The following TAFA1 variants were observed in gnomAD, a reference collection of about 807,000 sequenced individuals.
The protein encoded by TAFA1 is TAFA chemokine like family member 1.
A neutral mutation model predicts 18.5 loss-of-function variants in TAFA1; 4 were observed. The ratio of observed to expected loss-of-function variants is 0.22; its 90% CI spans 0.11 to 0.49. The LOEUF (loss-of-function observed/expected upper bound fraction) is 0.49. TAFA1 is among the 20% of genes least tolerant of loss of function. The pLI is 0.98. For missense variants in TAFA1, 147 were observed against 169.0 expected (o/e 0.87, Z 0.72); for synonymous variants, 56 against 55.2 (o/e 1.01, Z -0.06).
rs76889267 is a variant in TAFA1, at chr3:68,055,872, C to A, written c.118+49128C>A. On this transcript the variant is annotated intron_variant, in intron 2 of 4. Transcript: ENST00000478136. ...CAGTTCTCTCACATCAGGTCCTAGC[C>A]CCGATTTTCAGCCTGATCTTTTCTC... Among the ~76,000 whole-genome samples the A allele has an allele frequency of 4.4e-3, 664 of 152,138 alleles. 4 individuals carry two copies. Among genetic ancestry groups the A allele is most frequent in the African/African-American group, 0.015 (607 of 41,492 alleles).
At chr3:68,036,985 A>G (rs748698828) in intron 2 of TAFA1, among the ~76,000 whole-genome samples, 36 of 152,194 alleles carry the variant, frequency 2.4e-4, no homozygotes, top group Non-Finnish European at 5.1e-4. Context: ...CTGCTCTCTG[A>G]GACCCATAGT....
chr3:68,107,721 A>G (rs1230524459), intron 2 of TAFA1, among the ~76,000 whole-genome samples: 2 of 152,094 alleles, frequency 1.3e-5, no homozygotes, highest in Non-Finnish European at 2.9e-5. Context: ...TCTCCCTCTC[A>G]ATTAAGTTTC....
chr3:68,303,679 G>C (rs768091255), intron 2 of TAFA1, among the ~76,000 whole-genome samples: 8 of 152,012 alleles, frequency 5.3e-5, no homozygotes, highest in Non-Finnish European at 8.8e-5. Context: ...TTGATCTCCT[G>C]ACCTCGTGAT....
intron 3 of TAFA1, among the ~76,000 whole-genome samples, chr3:68,427,662 C>T (rs1478500760): frequency 1.3e-5 from 2 of 151,850 alleles, no homozygotes; most frequent in Non-Finnish European, 2.9e-5. Flanking sequence ...CCACCCCCCC[C>T]ATACAAGTTC....
At chr3:68,066,866 T>G (rs1465416911) in intron 2 of TAFA1, among the ~76,000 whole-genome samples, 3 of 152,134 alleles carry the variant, frequency 2.0e-5, no homozygotes, top group Non-Finnish European at 4.4e-5. Flanking sequence ...GAGGGAACTC[T>G]GGGGTTTTTA....
intron 2 of TAFA1, among the ~76,000 whole-genome samples, chr3:68,117,646 G>C (rs192698131): frequency 1.2e-4 from 19 of 152,286 alleles, no homozygotes; most frequent in African/African-American, 4.6e-4. Context: ...TCTGGGTTAG[G>C]TGATGTTTAT....
At chr3:67,994,297 T>C in the TAFA1 span, among the ~76,000 whole-genome samples, 4 of 152,226 alleles carry the variant, frequency 2.6e-5, no homozygotes, top group Admixed American at 2.6e-4. Context: ...ATGAGGACAC[T>C]TGAGTTCCAG....
intron 2 of TAFA1, among the ~76,000 whole-genome samples, chr3:68,094,202 TA>T (rs1406620124): frequency 6.6e-6 from 1 of 152,082 alleles, no homozygotes; most frequent in African/African-American, 2.4e-5. Context: ...ATATGATACC[TA>T]AAAAAACTCT....
chr3:68,294,414 A>G (rs77812155), intron 2 of TAFA1, among the ~76,000 whole-genome samples: 3,224 of 152,332 alleles, frequency 0.021, 63 homozygotes, highest in Middle Eastern at 0.051. Context: ...TTTTAATTTT[A>G]TACCAACTCT....
chr3:68,034,575 A>G (rs1705006062), intron 2 of TAFA1, among the ~76,000 whole-genome samples: 1 of 152,222 alleles, frequency 6.6e-6, no homozygotes, highest in Admixed American at 6.5e-5. Context: ...AGCAGGAAGC[A>G]TAAACCAGTG....
chr3:68,271,864 A>C (rs112989377), intron 2 of TAFA1, among the ~76,000 whole-genome samples: 10 of 151,584 alleles, frequency 6.6e-5, no homozygotes, highest in African/African-American at 2.4e-4. Context: ...ACACACATTT[A>C]AATATATACA....
At chr3:68,127,016 A>T (rs915315625) in intron 2 of TAFA1, among the ~76,000 whole-genome samples, 1 of 152,236 alleles carries the variant, frequency 6.6e-6, no homozygotes, top group Admixed American at 6.5e-5. Flanking sequence ...AGAAGAATTG[A>T]TGTTACTATG....
intron 2 of TAFA1, among the ~76,000 whole-genome samples, chr3:68,268,363 A>T (rs544707944): frequency 2.0e-5 from 3 of 152,172 alleles, no homozygotes; most frequent in Non-Finnish European, 4.4e-5. Flanking sequence ...TAGCAGATTC[A>T]AACAGGAGAC....
intron 2 of TAFA1, among the ~76,000 whole-genome samples, chr3:68,246,588 TCAAAAAAAAAAAAAAAA>T (rs1167810749): frequency 1.4e-4 from 1 of 7,264 alleles, no homozygotes; most frequent in Non-Finnish European, 3.0e-4. Flanking sequence ...GGACTCCGTC[TCAAAAAAAAAAAAAAAA>T]AAAAAAAAAA....
At chr3:68,383,175 A>T (rs262186) in intron 2 of TAFA1, among the ~76,000 whole-genome samples, 1 of 151,724 alleles carries the variant, frequency 6.6e-6, no homozygotes, top group African/African-American at 2.4e-5. Flanking sequence ...TACTCTCTTT[A>T]TTTCTTTCTG....
At chr3:68,149,832 G>T (rs970368858) in intron 2 of TAFA1, among the ~76,000 whole-genome samples, 1 of 152,174 alleles carries the variant, frequency 6.6e-6, no homozygotes, top group Non-Finnish European at 1.5e-5. Flanking sequence ...GACCTAGCAC[G>T]TGTGTTTCTA....
intron 2 of TAFA1, among the ~76,000 whole-genome samples, chr3:68,413,203 T>C (rs1301654457): frequency 5.3e-5 from 8 of 152,206 alleles, no homozygotes; most frequent in Non-Finnish European, 1.2e-4. Context: ...TCATATCCTT[T>C]GCCCACTTTT....
At chr3:68,269,103 G>A (rs2067608148) in intron 2 of TAFA1, among the ~76,000 whole-genome samples, 1 of 152,012 alleles carries the variant, frequency 6.6e-6, no homozygotes, top group South Asian at 2.1e-4. Context: ...TGAACTGTTT[G>A]AGGCTAATTC....
intron 2 of TAFA1, among the ~76,000 whole-genome samples, chr3:68,292,820 G>T (rs1281581420): frequency 6.6e-6 from 1 of 152,152 alleles, no homozygotes; most frequent in African/African-American, 2.4e-5. Context: ...TGGGATTACA[G>T]GTGTGAGCCA....
Sources: allele counts gnomAD v4.1 joint callset (sites outside exome capture counted in the v4.1 genomes callset), GRCh38; gene constraint gnomAD v4.1.1; transcripts MANE v1.5; gene names NCBI Gene and HGNC (gene_info 2026-07-23, HGNC 2026-07-21).